The following MRPS31 variants were observed in gnomAD, a reference collection of about 807,000 sequenced individuals.
The protein encoded by MRPS31 is small ribosomal subunit protein mS31.
In MRPS31, 32 loss-of-function variants were observed where a neutral mutation model predicts 43.1. The ratio of observed to expected loss-of-function variants is 0.74; its 90% CI spans 0.56 to 1.00. MRPS31 has a LOEUF of 1.00. MRPS31 is among the 50% of genes least tolerant of loss of function. MRPS31 has a pLI of 0.00. For synonymous variants in MRPS31, 165 were observed against 161.6 expected (o/e 1.02, Z -0.16); for missense variants, 437 against 466.7 (o/e 0.94, Z 0.59).
intron 3 of MRPS31, among the ~76,000 whole-genome samples, chr13:40,758,142 CAAAA>C (rs559446482): frequency 1.2e-5 from 1 of 83,380 alleles, no homozygotes; most frequent in African/African-American, 4.1e-5. Flanking sequence ...GACTCCGTCT[CAAAA>C]AAAAAAAAAA....
At chr13:40,753,913 A>G in intron 5 of MRPS31, 106 bp downstream of exon 5, 1 of 735,576 alleles carries the variant, frequency 1.4e-6, no homozygotes, top group East Asian at 3.1e-5. Flanking sequence ...GATCCAGGCC[A>G]ATGACAGAAT....
Position 40,729,211 on chromosome 13 carries a change from G to A in MRPS31, c.*161C>T. The A allele has an allele frequency of 2.1e-6, 1 of 484,716 alleles. No individual in the cohort carries two copies. The highest frequency in any genetic ancestry group is 3.6e-6 in the Non-Finnish European group (1 of 276,258). The allele number at this position is 484,716 out of a possible 1,614,324, so 30.0% of individuals were successfully genotyped here. On this transcript the variant is annotated 3_prime_UTR_variant, in exon 7 of 7. Transcript: ENST00000323563. ...ATACTGATGATTTTTCTCCATGCAAGAATATTTTTCAGTTACCATCATATT... is the reference window on the plus strand; with the variant it reads ...ATACTGATGATTTTTCTCCATGCAAAAATATTTTTCAGTTACCATCATATT...
At chr13:40,737,290 G>A (rs1390303379) in intron 6 of MRPS31, among the ~76,000 whole-genome samples, 2 of 150,532 alleles carry the variant, frequency 1.3e-5, no homozygotes, top group African/African-American at 2.4e-5. Context: ...AGCAAGTCCT[G>A]AGTGACCTAC....
intron 6 of MRPS31, among the ~76,000 whole-genome samples, chr13:40,737,172 A>G (rs536024736): frequency 2.6e-5 from 4 of 151,108 alleles, no homozygotes; most frequent in East Asian, 3.9e-4. Flanking sequence ...ACAAAGATCA[A>G]AAGAGACAAA....
At chr13:40,764,300 A>T (rs1880782947) in intron 2 of MRPS31, among the ~76,000 whole-genome samples, 1 of 152,178 alleles carries the variant, frequency 6.6e-6, no homozygotes, top group Admixed American at 6.5e-5. Context: ...CATCCTCCGA[A>T]TACTTTTAAA....
intron 6 of MRPS31, among the ~76,000 whole-genome samples, chr13:40,738,915 A>G (rs576932933): frequency 8.5e-5 from 13 of 152,106 alleles, no homozygotes; most frequent in East Asian, 1.9e-4. Context: ...CCTATTCAAC[A>G]TAGTGTTGCA....
At position 40,749,183 on chromosome 13, in the gene MRPS31, T is replaced by C; in HGVS notation, c.913A>G (p.Thr305Ala). ...AACTCCCATAGTTTCCCCTCTTTTG[T>C]CCACTGGATCAGCTCTTCAAATCCA... ...QNGFEELIQW[T>A]KEGKLWEFPI... The change falls in exon 6 of 7, where the codon ACA becomes GCA. Residue 305 changes from threonine to alanine, a missense_variant. Coordinates refer to ENST00000323563, the MANE Select transcript of MRPS31 (RefSeq NM_005830.4). The C allele has an allele frequency of 6.2e-7, 1 of 1,602,292 alleles. No individual in the cohort carries two copies. The highest frequency in any genetic ancestry group is 1.1e-5 in the South Asian group (1 of 88,584).
intron 1 of MRPS31, among the ~76,000 whole-genome samples, chr13:40,769,243 G>T (rs543449699): frequency 6.6e-6 from 1 of 151,212 alleles, no homozygotes; most frequent in Admixed American, 6.6e-5. Flanking sequence ...AGGTGTGGTG[G>T]TGGGTGCCTG....
rs181226254 is a variant in MRPS31 at position 40,741,590 on chromosome 13, G to C, written c.958+7548C>G. Reference sequence around the variant, plus strand: ...GAAAGGTTAACAATATCCAGTATCAGTTAGGCTGCAGAGAAACAGAATTTT... The same window carrying C: ...GAAAGGTTAACAATATCCAGTATCACTTAGGCTGCAGAGAAACAGAATTTT... On this transcript the variant is annotated intron_variant, in intron 6 of 6. Transcript: ENST00000323563. 5.2e-4 allele frequency among the ~76,000 whole-genome samples: 78 copies of C among 150,142 alleles called. 1 individual carries two copies. Among genetic ancestry groups the C allele is most frequent in the South Asian group, 1.0e-3 (5 of 4,764 alleles).
At chr13:40,758,194 G>A (rs1339793193) in intron 3 of MRPS31, among the ~76,000 whole-genome samples, 1 of 151,132 alleles carries the variant, frequency 6.6e-6, no homozygotes, top group South Asian at 2.1e-4. Flanking sequence ...AAAGTAGCTA[G>A]ACTTCAGGCA....
chr13:40,751,633 A>G (rs184546860), intron 5 of MRPS31, among the ~76,000 whole-genome samples: 1 of 152,322 alleles, frequency 6.6e-6, no homozygotes, highest in East Asian at 1.9e-4. Flanking sequence ...TCAGTCAATA[A>G]AAAAATTACT....
chr13:40,745,146 T>C (rs1880207620), intron 6 of MRPS31, among the ~76,000 whole-genome samples: 1 of 151,190 alleles, frequency 6.6e-6, no homozygotes, highest in Non-Finnish European at 1.5e-5. Context: ...GGTCTCAAAC[T>C]CCTAACCTCA....
Position 40,729,407 on chromosome 13 carries a change from C to T in MRPS31, c.1153G>A (p.Asp385Asn). Residue 385 changes from aspartate to asparagine, a missense_variant, in exon 7 of 7, where the codon GAT (aspartate) becomes AAT (asparagine). Physicochemically the swap from Asp to Asn is conservative, Grantham distance 23. Transcript: ENST00000323563. Reference protein sequence around the residue: ...WFRNYFNEKKDILKESNIQFN With the variant: ...WFRNYFNEKKNILKESNIQFN Reference sequence around the variant, plus strand: ...TGTATGTTACTTTCTTTTAGAATATCCTTTTTTTCATTAAAATAATTTCTA... The same window carrying T: ...TGTATGTTACTTTCTTTTAGAATATTCTTTTTTTCATTAAAATAATTTCTA... The T allele has an allele frequency of 6.4e-7, 1 of 1,551,670 alleles. No homozygotes were observed. Among genetic ancestry groups the T allele is most frequent in the Non-Finnish European group, 8.8e-7 (1 of 1,130,936 alleles).
intron 2 of MRPS31, among the ~76,000 whole-genome samples, chr13:40,766,140 C>A (rs1880837466): frequency 6.6e-6 from 1 of 152,142 alleles, no homozygotes; most frequent in Admixed American, 6.5e-5. Context: ...CTTAAAGAGG[C>A]AATTACATGG....
chr13:40,732,622 A>G (rs749953088), intron 6 of MRPS31, among the ~76,000 whole-genome samples: 4 of 152,022 alleles, frequency 2.6e-5, no homozygotes, highest in Non-Finnish European at 4.4e-5. Flanking sequence ...TAGTCCTAGT[A>G]CCTGGAACGC....
chr13:40,742,480 T>TA (rs1178368222), intron 6 of MRPS31, among the ~76,000 whole-genome samples: 1 of 152,200 alleles, frequency 6.6e-6, no homozygotes, highest in African/African-American at 2.4e-5. Flanking sequence ...GTCAGTACTT[T>TA]AAGGCTCCTG....
Position 40,766,850 on chromosome 13 carries a change from T to C in MRPS31, c.336A>G (p.Thr112=). ...GGGGCTTTGTTGTTCGTACATTTAC[T>C]GTGCTTAATTCAACTTTCATGCCCT... ...IIKGMKVELS[T]VNVRTTKPPK... The change falls in exon 2 of 7, where the codon ACA becomes ACG. Residue 112 remains threonine, a synonymous_variant. Coordinates refer to ENST00000323563, the MANE Select transcript of MRPS31 (RefSeq NM_005830.4). 2 of 1,614,200 alleles carry C rather than the reference T, an allele frequency of 1.2e-6. No homozygotes were observed. Among genetic ancestry groups the C allele is most frequent in the Non-Finnish European group, 1.7e-6 (2 of 1,180,032 alleles).
intron 2 of MRPS31, among the ~76,000 whole-genome samples, chr13:40,765,178 G>C (rs940503590): frequency 6.6e-6 from 1 of 152,116 alleles, no homozygotes; most frequent in Non-Finnish European, 1.5e-5. Flanking sequence ...TTTGAACATA[G>C]GACCACTAAT....
rs972963563 is a variant in MRPS31, at chr13:40,740,842, C to T, written c.958+8296G>A. On this transcript the variant is annotated intron_variant, in intron 6 of 6. Transcript: ENST00000323563. ...GGGAGATATACCTAATGCTAGATGA[C>T]GAGTTAGTGGGTGCAGCACACCAGC... 3.4e-5 allele frequency among the ~76,000 whole-genome samples: 5 copies of T among 146,480 alleles called. No homozygotes were observed. In the South Asian group the frequency reaches 6.6e-4, roughly 19 times the overall value.
Sources: gnomAD v4.1 joint callset for allele counts (sites outside exome capture counted in the v4.1 genomes callset) on GRCh38, gnomAD v4.1.1 for gene constraint, MANE v1.5 for transcripts, NCBI Gene and HGNC (gene_info 2026-07-23, HGNC 2026-07-21) for gene names.